Variants in TIGAR observed in about 807,000 individuals in gnomAD.
The protein encoded by TIGAR is TP53 induced glycolysis regulatory phosphatase.
TIGAR carries 7 observed loss-of-function variants against 17.9 expected under a neutral mutation model. That is an observed-to-expected ratio of 0.39 (90% CI 0.22 to 0.73). TIGAR has a LOEUF of 0.73. Among genes scored for constraint, TIGAR ranks in the 30% least tolerant of loss-of-function variants. The pLI is 0.42. For synonymous variants in TIGAR, 94 were observed against 108.6 expected, an observed-to-expected ratio of 0.87 and a Z score of 0.84; for missense variants, 258 against 327.4, an observed-to-expected ratio of 0.79 and a Z score of 1.64.
At chr12:4,332,238 CTT>C (rs777711454) in intron 2 of TIGAR, among the ~76,000 whole-genome samples, 10 of 95,326 alleles carry the variant, frequency 1.0e-4, no homozygotes, top group African/African-American at 3.6e-4. Flanking sequence ...TCATGTATTT[CTT>C]TTTTTTTTTT....
chr12:4,324,409 C>T (rs908090079), intron 1 of TIGAR: 2 of 1,371,994 alleles, frequency 1.5e-6, no homozygotes, highest in South Asian at 1.2e-5. Context: ...GTGGGTGGCC[C>T]CGATGCCGGG....
intron 2 of TIGAR, among the ~76,000 whole-genome samples, chr12:4,333,925 A>G (rs1864631406): frequency 6.6e-6 from 1 of 151,724 alleles, no homozygotes; most frequent in Non-Finnish European, 1.5e-5. Flanking sequence ...AACTGGCAGT[A>G]GTGACTGTTT....
At chr12:4,330,275 A>G (rs1332853063) in intron 1 of TIGAR, among the ~76,000 whole-genome samples, 1 of 152,234 alleles carries the variant, frequency 6.6e-6, no homozygotes, top group Non-Finnish European at 1.5e-5. Flanking sequence ...GGAAATGCAA[A>G]TTAAAATTAA....
chr12:4,331,482 G>C (rs1366793755), intron 2 of TIGAR, among the ~76,000 whole-genome samples, 165 bp downstream of exon 2: 1 of 152,224 alleles, frequency 6.6e-6, no homozygotes, highest in Non-Finnish European at 1.5e-5. Flanking sequence ...AGGGCTGTTA[G>C]TAACCAGGAG....
At chr12:4,334,935 G>A (rs969593633) in intron 2 of TIGAR, among the ~76,000 whole-genome samples, 9 of 151,966 alleles carry the variant, frequency 5.9e-5, no homozygotes, top group Non-Finnish European at 1.2e-4. Context: ...ATATATCTAG[G>A]AGGAATTTTT....
At position 4,352,330 on chromosome 12, in the gene TIGAR, A is replaced by G; in HGVS notation, c.452A>G (p.Glu151Gly). 1.2e-6 allele frequency: 2 copies of G among 1,614,138 alleles called. No homozygotes were observed. Among genetic ancestry groups the G allele is most frequent in the Non-Finnish European group, 1.7e-6 (2 of 1,180,008 alleles). ...ATCCTGAAAGAAGCGGATCAAAAAGAACAGTTTTCCCAAGGATCTCCAAGC... is the reference window on the plus strand; with the variant it reads ...ATCCTGAAAGAAGCGGATCAAAAAGGACAGTTTTCCCAAGGATCTCCAAGC... Reference protein sequence around the residue: ...QLILKEADQKEQFSQGSPSNC... With the variant: ...QLILKEADQKGQFSQGSPSNC... The change falls in exon 6 of 6, where the codon GAA becomes GGA. Residue 151 changes from glutamate (E) to glycine (G), a missense_variant. Physicochemically the swap from Glu to Gly is moderately conservative, Grantham distance 98 (BLOSUM62 -2). Coordinates refer to ENST00000179259, the MANE Select transcript of TIGAR (RefSeq NM_020375.3).
In TIGAR at chr12:4,352,784, GA is replaced by G. The variant is rs1294083395; in HGVS notation, c.*96del. The G allele has an allele frequency of 8.1e-6, 11 of 1,350,318 alleles. No individual in the cohort carries two copies. The African/African-American group carries it at 1.5e-4, about 18-fold the overall frequency. 83.6% of individuals were successfully genotyped at this position (1,350,318 alleles called of 1,614,324 possible). ...TCTCTCCTCTGCTAGTTCTGATTTG[GA>G]AACAGTTAAAAGCCAATTTTTAGCT... On this transcript the variant is annotated 3_prime_UTR_variant, in exon 6 of 6. Transcript: ENST00000179259.
chr12:4,358,053 A>G lies in TIGAR; in HGVS notation c.*5362A>G, dbSNP rs112508215. Among the ~76,000 whole-genome samples the G allele has an allele frequency of 0.037, 5,559 of 149,444 alleles. 340 individuals carry two copies. Among genetic ancestry groups the G allele is most frequent in the African/African-American group, 0.13 (5,253 of 40,640 alleles). On this transcript the variant is annotated 3_prime_UTR_variant, in exon 6 of 6. Coordinates refer to ENST00000179259, the MANE Select transcript of TIGAR (RefSeq NM_020375.3). The stretch of plus-strand genomic sequence containing the variant: ...CGGGAGGTGGAGCTTGCAGTGAGCC[A>G]AGGTCGCGCCACTGCACTGCAGCCT...
At chr12:4,351,991 C>T (rs1390016752) in intron 5 of TIGAR, among the ~76,000 whole-genome samples, 1 of 152,174 alleles carries the variant, frequency 6.6e-6, no homozygotes, top group African/African-American at 2.4e-5. Flanking sequence ...CTAACTAGAC[C>T]GTGAGTGCTT....
At chr12:4,345,627 T>C (rs1026327072) in intron 3 of TIGAR, among the ~76,000 whole-genome samples, 4 of 152,196 alleles carry the variant, frequency 2.6e-5, no homozygotes, top group African/African-American at 9.7e-5. Context: ...AGTAAAGACT[T>C]ACATGTTAGA....
At chr12:4,340,888 A>G (rs1012889130) in intron 3 of TIGAR, among the ~76,000 whole-genome samples, 28 of 152,204 alleles carry the variant, frequency 1.8e-4, no homozygotes, top group Non-Finnish European at 3.7e-4. Context: ...CAAATATCAA[A>G]TAAAATGGAT....
At chr12:4,338,119 CTT>C (rs1000910864) in intron 3 of TIGAR, among the ~76,000 whole-genome samples, 26 of 143,112 alleles carry the variant, frequency 1.8e-4, no homozygotes, top group Middle Eastern at 3.5e-3. Context: ...GAGCAAGACT[CTT>C]GTCTCGAAAA....
rs866936472 is a variant in TIGAR, at chr12:4,356,068, T to A, written c.*3377T>A. Among the ~76,000 whole-genome samples the A allele has an allele frequency of 6.6e-6, 1 of 152,188 alleles. No individual in the cohort carries two copies. Among genetic ancestry groups the A allele is most frequent in the East Asian group, 1.9e-4 (1 of 5,184 alleles). ...CCATTGGCCAGTTTGGGCAGTGATG[T>A]GATCAGACTTGTTTCAGCAGGACCA... On this transcript the variant is annotated 3_prime_UTR_variant, in exon 6 of 6. Transcript: ENST00000179259.
chr12:4,349,857 A>G lies in TIGAR; in HGVS notation c.231A>G (p.Lys77=). Residue 77 remains lysine (K), a synonymous_variant, in exon 4 of 6, where the codon AAA becomes AAG. Transcript: ENST00000179259. The part of the protein sequence containing the change: ...HGILERSKFC[K]DMTVKYDSRL... ...TTTTGGAGAGAAGCAAATTTTGCAA[A>G]GATATGACGGTAAAGTATGACTCAA... The G allele has an allele frequency of 6.3e-7, 1 of 1,581,434 alleles. No individual in the cohort carries two copies. Among genetic ancestry groups the G allele is most frequent in the Non-Finnish European group, 8.6e-7 (1 of 1,168,538 alleles).
rs1186095932 is a variant in TIGAR, at chr12:4,321,994, TTTTA to T, written c.32+695_32+698del. ...GGTAGTTAAGAGCACAGATTTTTAT[TTTTA>T]TTTTTTTTTTTTTGTGAGATGGAGC... On this transcript the variant is annotated intron_variant, in intron 1 of 5. Coordinates refer to ENST00000179259, the MANE Select transcript of TIGAR (RefSeq NM_020375.3). This position sits in a 1 kb window ranked among gnomAD's most constrained non-coding sequence, Gnocchi z 5.2. 2.6e-5 allele frequency among the ~76,000 whole-genome samples: 3 copies of T among 114,760 alleles called. No homozygotes were observed. The highest frequency in any genetic ancestry group is 9.3e-5 in the African/African-American group (3 of 32,406). The allele number at this position is 114,760 out of a possible 152,430, so 75.3% of individuals were successfully genotyped here. A position where few individuals can be genotyped will look rare whatever the true frequency, so the allele number is the denominator to read the frequency against.
At chr12:4,341,650 A>G (rs551457103) in intron 3 of TIGAR, among the ~76,000 whole-genome samples, 4 of 152,362 alleles carry the variant, frequency 2.6e-5, no homozygotes, top group Admixed American at 2.0e-4. Flanking sequence ...GACCTCCAGC[A>G]AACTCCAACA....
intron 1 of TIGAR, among the ~76,000 whole-genome samples, chr12:4,323,778 T>C (rs1864506961): frequency 6.6e-6 from 1 of 152,246 alleles, no homozygotes; most frequent in Admixed American, 6.5e-5. Context: ...TATTTTGTTC[T>C]GTTTTATGTG....
chr12:4,335,306 G>A (rs1163802064), intron 2 of TIGAR, among the ~76,000 whole-genome samples: 1 of 151,992 alleles, frequency 6.6e-6, no homozygotes, highest in Non-Finnish European at 1.5e-5. Flanking sequence ...CAAAGTGCTG[G>A]GATTGCAGGC....
In TIGAR at chr12:4,353,870, G is replaced by T. The variant is rs12823973; in HGVS notation, c.*1179G>T. ...CAGGGAAGGCGGGGTGGTTGGGGGG[G>T]AGAGAATGTTGCTCTGATAACCACA... On this transcript the variant is annotated 3_prime_UTR_variant, in exon 6 of 6. Transcript: ENST00000179259. 0.17 allele frequency: 26,153 copies of T among 151,958 alleles called. 2,808 individuals are homozygous for T. The highest frequency in any genetic ancestry group is 0.27 in the Admixed American group (4,048 of 15,178). 9.4% of individuals were successfully genotyped at this position (151,958 alleles called of 1,614,324 possible).
Sources: allele counts gnomAD v4.1 joint callset (sites outside exome capture counted in the v4.1 genomes callset), GRCh38; gene constraint gnomAD v4.1.1; non-coding constraint Gnocchi (gnomAD v3.1); transcripts MANE v1.5; gene names NCBI Gene and HGNC (gene_info 2026-07-23, HGNC 2026-07-21).